The following ATRNL1 variants were observed in gnomAD, a reference collection of about 807,000 sequenced individuals.
ATRNL1 encodes the protein attractin-like protein 1.
A neutral mutation model predicts 182.7 loss-of-function variants in ATRNL1; 95 were observed. The ratio of observed to expected loss-of-function variants is 0.52; its 90% CI spans 0.44 to 0.62. The LOEUF is 0.62. ATRNL1 is among the 20% of genes least tolerant of loss of function. ATRNL1 has a pLI of 0.00. For synonymous variants in ATRNL1, 576 were observed against 568.3 expected, an observed-to-expected ratio of 1.01 and a Z score of -0.19; for missense variants, 1,471 against 1,679.5, an observed-to-expected ratio of 0.88 and a Z score of 2.17.
intron 24 of ATRNL1, among the ~76,000 whole-genome samples, chr10:115,478,013 C>G (rs1248723942): frequency 6.6e-6 from 1 of 151,650 alleles, no homozygotes; most frequent in Non-Finnish European, 1.5e-5. Context: ...AGTCAAACTA[C>G]TACCTCAATT....
chr10:115,930,809 C>G (rs1270778128), intron 28 of ATRNL1, among the ~76,000 whole-genome samples: 1 of 152,104 alleles, frequency 6.6e-6, no homozygotes, highest in African/African-American at 2.4e-5. Flanking sequence ...TTCTAACTCT[C>G]TAGAAATAAT....
At chr10:115,645,278 AT>A (rs35379145) in intron 26 of ATRNL1, among the ~76,000 whole-genome samples, 1 of 150,688 alleles carries the variant, frequency 6.6e-6, no homozygotes, top group African/African-American at 2.4e-5. Context: ...CCCATAACTC[AT>A]TTTTTTTAAA....
chr10:115,342,159 GT>G (rs1457063242), intron 19 of ATRNL1, among the ~76,000 whole-genome samples: 1 of 151,754 alleles, frequency 6.6e-6, no homozygotes, highest in African/African-American at 2.4e-5. Context: ...TGTGTATCTT[GT>G]TTTTTTGTTT....
chr10:115,233,542 A>G (rs1229919808), intron 9 of ATRNL1, among the ~76,000 whole-genome samples: 5 of 152,158 alleles, frequency 3.3e-5, no homozygotes, highest in Admixed American at 6.6e-5. Flanking sequence ...AATTTCTGCT[A>G]TAATCTTCAG....
intron 19 of ATRNL1, among the ~76,000 whole-genome samples, chr10:115,386,209 A>G (rs1381660330): frequency 1.3e-5 from 2 of 152,166 alleles, no homozygotes; most frequent in African/African-American, 4.8e-5. Flanking sequence ...ATTTATTTAG[A>G]TATTTAAAAA....
intron 26 of ATRNL1, among the ~76,000 whole-genome samples, chr10:115,647,234 A>G (rs1859689603): frequency 6.6e-6 from 1 of 152,018 alleles, no homozygotes; most frequent in South Asian, 2.1e-4. Context: ...AGTCTTTGCT[A>G]TTGTGAATAG....
rs571717123 is a variant in ATRNL1 at position 115,438,874 on chromosome 10, C to T, written c.3322+12572C>T. 6.6e-5 allele frequency among the ~76,000 whole-genome samples: 10 copies of T among 151,846 alleles called. No homozygotes were observed. In the South Asian group the frequency reaches 2.1e-3, roughly 32 times the overall value. On this transcript the variant is annotated intron_variant, in intron 21 of 28. Coordinates refer to ENST00000355044, the MANE Select transcript of ATRNL1 (RefSeq NM_207303.4). ...GAGAGAAACATAACTACAGTTGACC[C>T]TTGAACCCCCTGAGGTATAGAGGCA...
intron 24 of ATRNL1, among the ~76,000 whole-genome samples, chr10:115,505,819 C>T (rs1832179): frequency 0.98 from 149,044 of 152,204 alleles, 72,999 homozygotes; most frequent in East Asian, 1. Flanking sequence ...AGCTTAACCA[C>T]TGAGCTCCTT....
intron 19 of ATRNL1, among the ~76,000 whole-genome samples, chr10:115,367,242 T>A (rs1554946252): frequency 8.5e-6 from 1 of 117,420 alleles, no homozygotes; most frequent in African/African-American, 3.1e-5. Context: ...TTCTCTAAAC[T>A]TCCCTTCTCG....
chr10:115,506,316 A>T (rs1330451473), intron 24 of ATRNL1, among the ~76,000 whole-genome samples: 1 of 152,026 alleles, frequency 6.6e-6, no homozygotes, highest in Admixed American at 6.6e-5. Flanking sequence ...TAAAAATAGG[A>T]ACAAACATAC....
chr10:115,250,709 G>A (rs984262220), intron 10 of ATRNL1, among the ~76,000 whole-genome samples: 10 of 152,184 alleles, frequency 6.6e-5, no homozygotes, highest in African/African-American at 2.4e-4. Flanking sequence ...AGCTGTCTGA[G>A]AATGTTCTTG....
At chr10:115,166,967 A>G (rs1554884511) in intron 7 of ATRNL1, among the ~76,000 whole-genome samples, 1 of 151,960 alleles carries the variant, frequency 6.6e-6, no homozygotes. Flanking sequence ...TATGCAAGAA[A>G]TCATTGCTAG....
rs1019747731 is a variant in ATRNL1, at chr10:115,451,957, G to C, written c.3323-9984G>C. On this transcript the variant is annotated intron_variant, in intron 21 of 28. Transcript: ENST00000355044. ...AAAAAATGAGATCATATATTTTGTG[G>C]GAATATGGATAGGGCTAGAGACTAT... is the stretch of plus-strand genomic sequence containing the variant. Among the ~76,000 whole-genome samples, 3 of 152,090 alleles carry C rather than the reference G, an allele frequency of 2.0e-5. No individual in the cohort carries two copies. In the South Asian group the frequency reaches 6.2e-4, roughly 31 times the overall value.
chr10:115,848,570 G>A (rs1260873476), intron 28 of ATRNL1, among the ~76,000 whole-genome samples: 2 of 152,116 alleles, frequency 1.3e-5, no homozygotes, highest in Non-Finnish European at 2.9e-5. Flanking sequence ...CCTTTGTTCT[G>A]ATTCTCCTTT....
chr10:115,745,591 G>A (rs1948268194), intron 27 of ATRNL1, among the ~76,000 whole-genome samples: 1 of 152,128 alleles, frequency 6.6e-6, no homozygotes, highest in African/African-American at 2.4e-5. Flanking sequence ...ACACATGAGA[G>A]TTTCAGTTGC....
At position 115,232,685 on chromosome 10, in the gene ATRNL1, TTG is replaced by T. The variant is rs141712079; in HGVS notation, c.1533-8868_1533-8867del. 6.9e-3 allele frequency among the ~76,000 whole-genome samples: 1,031 copies of T among 149,942 alleles called. 6 individuals carry two copies. Among genetic ancestry groups the T allele is most frequent in the African/African-American group, 0.022 (905 of 41,086 alleles). On this transcript the variant is annotated intron_variant, in intron 9 of 28. Coordinates refer to ENST00000355044, the MANE Select transcript of ATRNL1 (RefSeq NM_207303.4). ...CTTTAACCCAACTGGATAAGGACTT[TTG>T]TGTGTGTGTGTGTGTGTATGTGTGT...
intron 1 of ATRNL1, among the ~76,000 whole-genome samples, chr10:115,103,041 T>G (rs1486514332): frequency 1.6e-4 from 3 of 18,752 alleles, no homozygotes; most frequent in African/African-American, 5.0e-4. Context: ...ATTTTTAGTG[T>G]TTTTTTTTTT....
At chr10:115,163,725 C>T (rs1281134283) in intron 6 of ATRNL1, among the ~76,000 whole-genome samples, 1 of 152,044 alleles carries the variant, frequency 6.6e-6, no homozygotes, top group Non-Finnish European at 1.5e-5. Context: ...CCATTGTGGC[C>T]CACAAAGCCT....
chr10:115,776,613 G>A (rs1165083712), intron 27 of ATRNL1, among the ~76,000 whole-genome samples: 7 of 140,682 alleles, frequency 5.0e-5, no homozygotes, highest in Admixed American at 7.0e-5. Context: ...TTCTTGAAAC[G>A]AAGCTAGAGG....
Sources: gnomAD v4.1 joint callset for allele counts (sites outside exome capture counted in the v4.1 genomes callset) on GRCh38, gnomAD v4.1.1 for gene constraint, MANE v1.5 for transcripts, NCBI Gene and HGNC (gene_info 2026-07-23, HGNC 2026-07-21) for gene names.